The following GUCY1A2 variants were observed in gnomAD, a reference collection of about 807,000 sequenced individuals.
GUCY1A2 encodes guanylate cyclase 1 soluble subunit alpha 2, also known as guanylate cyclase soluble subunit alpha-2.
A neutral mutation model predicts 63.5 loss-of-function variants in GUCY1A2; 27 were observed. The ratio of observed to expected loss-of-function variants is 0.43; its 90% CI spans 0.31 to 0.59. The LOEUF (loss-of-function observed/expected upper bound fraction) is 0.59. Ranked by LOEUF, GUCY1A2 falls within the 20% of genes least tolerant of loss-of-function variation. The probability of loss-of-function intolerance (pLI) is 0.11; values close to 1 mark genes in which losing one functional copy is unlikely to be tolerated. For synonymous variants in GUCY1A2, 364 were observed against 343.5 expected, an observed-to-expected ratio of 1.06 and a Z score of -0.66; for missense variants, 768 against 913.3, an observed-to-expected ratio of 0.84 and a Z score of 2.05.
At chr11:106,796,000 G>C (rs1864751671) in intron 5 of GUCY1A2, among the ~76,000 whole-genome samples, 1 of 152,052 alleles carries the variant, frequency 6.6e-6, no homozygotes, top group Admixed American at 6.6e-5. Flanking sequence ...TCCTGTATTG[G>C]GTGCATATAT....
rs185240843 is a variant in GUCY1A2 at position 106,692,956 on chromosome 11, A to G, written c.1992-5200T>C. On this transcript the variant is annotated intron_variant, in intron 7 of 7. Transcript: ENST00000526355. ...AGACTAGTATATATAGCTCTCTGAC[A>G]TCTGCACGTTTGAAATCACTGTGTG... 2.0e-5 allele frequency among the ~76,000 whole-genome samples: 3 copies of G among 152,324 alleles called. No homozygotes were observed. The East Asian group carries it at 5.8e-4, about 29-fold the overall frequency.
intron 7 of GUCY1A2, among the ~76,000 whole-genome samples, chr11:106,689,821 A>G (rs761111946): frequency 1.3e-5 from 2 of 151,950 alleles, no homozygotes; most frequent in East Asian, 1.9e-4. Flanking sequence ...GTGAAACCCC[A>G]TCTTTATTAA....
chr11:106,920,800 AT>A (rs1218248338), intron 4 of GUCY1A2, among the ~76,000 whole-genome samples: 1 of 152,112 alleles, frequency 6.6e-6, no homozygotes, highest in Non-Finnish European at 1.5e-5. Flanking sequence ...TAACAAAATC[AT>A]ATTTCCTTTT....
At chr11:106,750,594 A>G (rs1863865432) in intron 6 of GUCY1A2, among the ~76,000 whole-genome samples, 1 of 152,098 alleles carries the variant, frequency 6.6e-6, no homozygotes. Context: ...AACTGCATAA[A>G]AATACAAAAT....
rs879674224 is a variant in GUCY1A2 at position 106,683,758 on chromosome 11, C to T, written c.*3791G>A. The T allele has an allele frequency of 5.0e-5, 11 of 219,586 alleles. No homozygotes were observed. Among genetic ancestry groups the T allele is most frequent in the Admixed American group, 2.3e-4 (4 of 17,256 alleles). 13.6% of individuals were successfully genotyped at this position (219,586 alleles called of 1,614,324 possible). On this transcript the variant is annotated 3_prime_UTR_variant, in exon 8 of 8. Transcript: ENST00000526355. ...TAAAAGTTTTACTTTTTGCCTTAAC[C>T]ATCCACAACACCTGCTCTCAGAAAG...
At chr11:106,780,436 C>T (rs1864437811) in intron 5 of GUCY1A2, among the ~76,000 whole-genome samples, 1 of 152,190 alleles carries the variant, frequency 6.6e-6, no homozygotes. Context: ...ATTCATTCTA[C>T]ATATCCATTT....
At chr11:106,834,024 T>C (rs1039782386) in intron 4 of GUCY1A2, among the ~76,000 whole-genome samples, 2 of 152,038 alleles carry the variant, frequency 1.3e-5, no homozygotes, top group African/African-American at 4.8e-5. Context: ...ATTACCATAA[T>C]CAAGCTAATT....
chr11:106,838,153 C>G (rs956713232), intron 4 of GUCY1A2, among the ~76,000 whole-genome samples: 4 of 151,922 alleles, frequency 2.6e-5, no homozygotes, highest in African/African-American at 9.7e-5. Context: ...GTAGAAATAA[C>G]CTCACTTGTC....
intron 5 of GUCY1A2, among the ~76,000 whole-genome samples, chr11:106,794,643 T>A (rs1293316595): frequency 6.6e-6 from 1 of 152,120 alleles, no homozygotes; most frequent in East Asian, 1.9e-4. Flanking sequence ...ATACTATTTT[T>A]ATTTAATTAT....
Position 106,679,695 on chromosome 11 carries a change from C to CT in GUCY1A2, c.*7853dup. 1 of 219,238 alleles carries CT rather than the reference C, an allele frequency of 4.6e-6. No individual in the cohort carries two copies. Among genetic ancestry groups the CT allele is most frequent in the South Asian group, 1.8e-4 (1 of 5,414 alleles). 13.6% of individuals were successfully genotyped at this position (219,238 alleles called of 1,614,324 possible). ...TTAATATCACTTGCATAGTGTTAGT[C>CT]TGTTTTTCTATGCTAATTTTAGCAG... On this transcript the variant is annotated 3_prime_UTR_variant, in exon 8 of 8. Coordinates refer to ENST00000526355, the MANE Select transcript of GUCY1A2 (RefSeq NM_000855.3).
chr11:106,816,820 C>G (rs1858838730), intron 4 of GUCY1A2, among the ~76,000 whole-genome samples: 2 of 151,600 alleles, frequency 1.3e-5, no homozygotes, highest in South Asian at 2.1e-4. Flanking sequence ...ATATCACAAA[C>G]AGCTTTACAT....
At chr11:107,004,053 G>C (rs1388287755) in intron 1 of GUCY1A2, among the ~76,000 whole-genome samples, 1 of 152,126 alleles carries the variant, frequency 6.6e-6, no homozygotes, top group Non-Finnish European at 1.5e-5. Context: ...ATGACTTTGA[G>C]CAAGGCCCCT....
At chr11:106,769,659 G>A (rs902859670) in intron 6 of GUCY1A2, among the ~76,000 whole-genome samples, 11 of 151,798 alleles carry the variant, frequency 7.2e-5, no homozygotes, top group South Asian at 2.1e-4. Flanking sequence ...AACATTATAC[G>A]GTATTTTTCC....
chr11:106,828,690 C>T (rs1164364966), intron 4 of GUCY1A2, among the ~76,000 whole-genome samples: 33 of 152,160 alleles, frequency 2.2e-4, no homozygotes, highest in Admixed American at 1.9e-3. Context: ...AAGGCAAACT[C>T]GCAAGAAGGC....
At chr11:106,841,106 T>C (rs967662953) in intron 4 of GUCY1A2, among the ~76,000 whole-genome samples, 4 of 151,842 alleles carry the variant, frequency 2.6e-5, no homozygotes, top group African/African-American at 7.2e-5. Flanking sequence ...TTTCACTTTG[T>C]TAAATATGCC....
chr11:106,941,448 T>A (rs1860751632), intron 3 of GUCY1A2, among the ~76,000 whole-genome samples: 1 of 152,218 alleles, frequency 6.6e-6, no homozygotes, highest in Non-Finnish European at 1.5e-5. Context: ...AGACAGCTTC[T>A]ACCTAAACTC....
intron 3 of GUCY1A2, among the ~76,000 whole-genome samples, chr11:106,957,317 C>A (rs1321358108): frequency 1.3e-5 from 2 of 151,958 alleles, no homozygotes; most frequent in Non-Finnish European, 2.9e-5. Flanking sequence ...TTCTTCCCCC[C>A]TCCCCACCAG....
intron 6 of GUCY1A2, among the ~76,000 whole-genome samples, chr11:106,708,901 ATTTATG>A (rs1476300435): frequency 1.3e-5 from 2 of 151,510 alleles, no homozygotes; most frequent in Admixed American, 6.6e-5. Context: ...ATATGAAAAA[ATTTATG>A]TTTAATTTGC....
intron 5 of GUCY1A2, among the ~76,000 whole-genome samples, chr11:106,805,159 T>C (rs1006207231): frequency 6.6e-6 from 1 of 152,206 alleles, no homozygotes. Context: ...TTTAATGCCA[T>C]GGACATTTGC....
Sources: allele counts gnomAD v4.1 joint callset (sites outside exome capture counted in the v4.1 genomes callset), GRCh38; gene constraint gnomAD v4.1.1; transcripts MANE v1.5; gene names NCBI Gene and HGNC (gene_info 2026-07-23, HGNC 2026-07-21).